KLHL15: variants seen among roughly 807,000 people sequenced by gnomAD.
The protein encoded by KLHL15 is kelch-like protein 15.
A neutral mutation model predicts 29.3 loss-of-function variants in KLHL15; 1 was observed. The observed-to-expected ratio is 0.03, with a 90% CI of 0.01 to 0.16. KLHL15 has a LOEUF of 0.16. KLHL15 is among the 10% of genes least tolerant of loss of function. The pLI is 1.00. For synonymous variants in KLHL15, 212 were observed against 184.5 expected (o/e 1.15, Z -1.21); for missense variants, 215 against 478.5 (o/e 0.45, Z 5.14).
chrX:23,999,941 C>G (rs7064691), intron 3 of KLHL15, among the ~76,000 whole-genome samples: 1 of 111,308 alleles, frequency 9.0e-6, no homozygotes, highest in Admixed American at 9.6e-5. Context: ...AAAAGGAGTC[C>G]GATGCAGAAA....
intron 3 of KLHL15, among the ~76,000 whole-genome samples, chrX:23,991,616 C>T (rs1363788513): frequency 1.8e-5 from 2 of 111,281 alleles, no homozygotes; most frequent in Non-Finnish European, 3.8e-5. Flanking sequence ...CCGAGGCAGG[C>T]GGATCACAAG....
chrX:24,006,546 C>T lies in KLHL15; in HGVS notation c.148G>A (p.Ala50Thr). 8.3e-7 allele frequency: 1 copy of T among 1,211,161 alleles called. No individual in the cohort carries two copies. The highest frequency in any genetic ancestry group is 1.1e-6 in the Non-Finnish European group (1 of 895,391). Reference sequence around the variant, plus strand: ...ATTCTGAAGTAATCACTCTGGGTGGCCAAGAGTGCTTTATGGGCCTGGAAC... The same window carrying T: ...ATTCTGAAGTAATCACTCTGGGTGGTCAAGAGTGCTTTATGGGCCTGGAAC... ...HQFQAHKALL[A>T]TQSDYFRIMF... The change falls in exon 3 of 4, where the codon GCC becomes ACC. Residue 50 changes from alanine to threonine, a missense_variant. Ala to Thr is a moderately conservative substitution (Grantham distance 58). Coordinates refer to ENST00000328046, the MANE Select transcript of KLHL15 (RefSeq NM_030624.3).
chrX:24,013,101 T>C (rs749109614), intron 2 of KLHL15, among the ~76,000 whole-genome samples: 1 of 111,274 alleles, frequency 9.0e-6, no homozygotes, highest in African/African-American at 3.3e-5. Flanking sequence ...ATCTGAATTA[T>C]TGGTTTAGTT....
At chrX:23,998,975 G>A (rs983215870) in intron 3 of KLHL15, among the ~76,000 whole-genome samples, 9 of 110,954 alleles carry the variant, frequency 8.1e-5, no homozygotes, top group Non-Finnish European at 1.5e-4. Context: ...GTGCAGTCTC[G>A]GCTCACTGCA....
chrX:23,995,520 ACT>A (rs754802255), intron 3 of KLHL15, among the ~76,000 whole-genome samples: 5 of 109,918 alleles, frequency 4.5e-5, no homozygotes, highest in African/African-American at 1.0e-4. Context: ...AAGGTAGTAA[ACT>A]CTGTGGAAAT....
intron 1 of KLHL15, among the ~76,000 whole-genome samples, chrX:24,026,239 T>C (rs187594863): frequency 2.4e-3 from 270 of 112,235 alleles, no homozygotes; most frequent in African/African-American, 8.4e-3. Context: ...AAAAATTGCA[T>C]GTCTGCACCA....
At chrX:24,013,861 T>A (rs1175773770) in intron 2 of KLHL15, among the ~76,000 whole-genome samples, 1 of 110,207 alleles carries the variant, frequency 9.1e-6, no homozygotes, top group African/African-American at 3.3e-5. Flanking sequence ...GTAGTAATAA[T>A]AGAAAAAAAC....
intron 3 of KLHL15, among the ~76,000 whole-genome samples, chrX:24,002,157 A>G (rs1929340419): frequency 1.8e-5 from 2 of 110,850 alleles, no homozygotes; most frequent in Admixed American, 1.9e-4. Context: ...AAATAAATAA[A>G]TAAATAAAGA....
chrX:23,997,108 G>A (rs978450579), intron 3 of KLHL15, among the ~76,000 whole-genome samples: 1 of 104,096 alleles, frequency 9.6e-6, no homozygotes, highest in Non-Finnish European at 1.9e-5. Flanking sequence ...AGTGACCAGG[G>A]TAAATAGGGG....
chrX:24,009,197 A>G (rs1221846314), intron 2 of KLHL15, among the ~76,000 whole-genome samples: 1 of 110,619 alleles, frequency 9.0e-6, no homozygotes, highest in East Asian at 2.8e-4. Context: ...TGTCTCTACT[A>G]AAAATACAAA....
chrX:24,006,489 G>C lies in KLHL15; in HGVS notation c.205C>G (p.Gln69Glu), dbSNP rs1929447971. ...MFTADMRERD[Q>E]DKIHLKGLTA... Reference sequence around the variant, plus strand: ...AGACCTTTTAAATGAATTTTGTCCTGATCTCGTTCCCTCATGTCTGCAGTA... The same window carrying C: ...AGACCTTTTAAATGAATTTTGTCCTCATCTCGTTCCCTCATGTCTGCAGTA... Residue 69 changes from glutamine to glutamate, a missense_variant, in exon 3 of 4, where the codon CAG (glutamine) becomes GAG (glutamate). Transcript: ENST00000328046. 1 of 1,211,337 alleles carries C rather than the reference G, an allele frequency of 8.3e-7. No homozygotes were observed. The highest frequency in any genetic ancestry group is 1.1e-6 in the Non-Finnish European group (1 of 895,338).
intron 2 of KLHL15, among the ~76,000 whole-genome samples, chrX:24,016,850 T>C (rs1446929911): frequency 9.0e-6 from 1 of 110,978 alleles, no homozygotes; most frequent in Non-Finnish European, 1.9e-5. Context: ...AAGCCTGATC[T>C]AGTTAACTTT....
At chrX:23,994,640 T>G (rs1929150096) in intron 3 of KLHL15, among the ~76,000 whole-genome samples, 1 of 112,062 alleles carries the variant, frequency 8.9e-6, no homozygotes, top group Non-Finnish European at 1.9e-5. Flanking sequence ...AGAACGACAT[T>G]TCTTTCATGT....
At chrX:24,023,101 G>T (rs1383457593) in intron 2 of KLHL15, among the ~76,000 whole-genome samples, 2 of 111,464 alleles carry the variant, frequency 1.8e-5, no homozygotes, top group African/African-American at 6.5e-5. Flanking sequence ...ATTTAAATTA[G>T]CATGAATTTT....
At chrX:24,013,249 T>C (rs1929609967) in intron 2 of KLHL15, among the ~76,000 whole-genome samples, 1 of 109,871 alleles carries the variant, frequency 9.1e-6, no homozygotes, top group South Asian at 3.9e-4. Flanking sequence ...GGCACACCAC[T>C]GCACCCAGCT....
In KLHL15 at chrX:23,984,595, T is replaced by C. The variant is rs749905189; in HGVS notation, c.*3326A>G. 1 of 112,572 alleles carries C rather than the reference T, an allele frequency of 8.9e-6. No homozygotes were observed. The highest frequency in any genetic ancestry group is 9.5e-5 in the Admixed American group (1 of 10,567). The allele number at this position is 112,572 out of a possible 1,213,427, so 9.3% of individuals were successfully genotyped here. ...AAAAGAGCTAGTCTCCTCTGAGAGA[T>C]AGCTTATAAACTGAAATAACAATTT... On this transcript the variant is annotated 3_prime_UTR_variant, in exon 4 of 4. Coordinates refer to ENST00000328046, the MANE Select transcript of KLHL15 (RefSeq NM_030624.3).
At chrX:24,019,576 C>T (rs4992673) in intron 2 of KLHL15, among the ~76,000 whole-genome samples, 18,141 of 110,360 alleles carry the variant, frequency 0.16, 1,381 homozygotes, top group South Asian at 0.53. Context: ...TTTAAGAGTA[C>T]AAATAAGTAC....
In KLHL15 at chrX:23,999,858, G is replaced by A. The variant is rs1051579863; in HGVS notation, c.705+6131C>T. ...TTTAGAGGAGAAAAACACCTTGCGT[G>A]ATTTCGAAAGAACTGCACATGCGTT... On this transcript the variant is annotated intron_variant, in intron 3 of 3. Coordinates refer to ENST00000328046, the MANE Select transcript of KLHL15 (RefSeq NM_030624.3). Among the ~76,000 whole-genome samples the A allele has an allele frequency of 3.6e-5, 4 of 111,741 alleles. No individual in the cohort carries two copies. The Admixed American group carries it at 3.8e-4, about 11-fold the overall frequency.
At position 24,025,049 on chromosome X, in the gene KLHL15, TG is replaced by T. The variant is rs1340211303; in HGVS notation, c.-201del. 1 of 296,505 alleles carries T rather than the reference TG, an allele frequency of 3.4e-6. No individual in the cohort carries two copies. Among genetic ancestry groups the T allele is most frequent in the African/African-American group, 2.7e-5 (1 of 36,847 alleles). The allele number at this position is 296,505 out of a possible 1,213,427, so 24.4% of individuals were successfully genotyped here. A position where few individuals can be genotyped will look rare whatever the true frequency, so the allele number is the denominator to read the frequency against. ...GAGAGTGCTCGCCTGCAGCCCCCTC[TG>T]GATAAGTCCTGGGAAAGAAGACAGC... On this transcript the variant is annotated 5_prime_UTR_variant, in exon 2 of 4. Transcript: ENST00000328046.
Sources: gnomAD v4.1 joint callset for allele counts (sites outside exome capture counted in the v4.1 genomes callset) on GRCh38, gnomAD v4.1.1 for gene constraint, MANE v1.5 for transcripts, NCBI Gene and HGNC (gene_info 2026-07-23, HGNC 2026-07-21) for gene names.